The following HTR1F variants were observed in gnomAD, a reference collection of about 807,000 sequenced individuals.
HTR1F encodes the protein 5-hydroxytryptamine receptor 1F.
In HTR1F, 17 loss-of-function variants were observed where a neutral mutation model predicts 24.0. The ratio of observed to expected loss-of-function variants is 0.71; its 90% CI spans 0.48 to 1.06. HTR1F has a LOEUF of 1.06. Ranked by LOEUF, HTR1F falls within the 50% of genes least tolerant of loss-of-function variation. The pLI, the probability that HTR1F is intolerant of heterozygous loss-of-function variation, is 0.00. For synonymous variants in HTR1F, 186 were observed against 156.8 expected (o/e 1.19, Z -1.39); for missense variants, 391 against 427.8 (o/e 0.91, Z 0.76).
At chr3:87,924,758 A>G (rs1259339244) in intron 2 of HTR1F, among the ~76,000 whole-genome samples, 1 of 152,086 alleles carries the variant, frequency 6.6e-6, no homozygotes, top group Non-Finnish European at 1.5e-5. Flanking sequence ...GGGTTCCTTC[A>G]TACGTGATTT....
At chr3:87,929,346 C>T (rs1038478678) in intron 2 of HTR1F, among the ~76,000 whole-genome samples, 1 of 152,164 alleles carries the variant, frequency 6.6e-6, no homozygotes, top group Non-Finnish European at 1.5e-5. Flanking sequence ...TGTATACAAG[C>T]ACCATACAAC....
intron 2 of HTR1F, among the ~76,000 whole-genome samples, chr3:87,842,450 C>T (rs1413320871): frequency 3.9e-5 from 6 of 151,956 alleles, no homozygotes; most frequent in African/African-American, 1.5e-4. Flanking sequence ...GTGTGAGCCA[C>T]CGCACCCGGC....
chr3:87,904,484 T>G (rs1703613720), intron 2 of HTR1F, among the ~76,000 whole-genome samples: 1 of 152,026 alleles, frequency 6.6e-6, no homozygotes, highest in African/African-American at 2.4e-5. Context: ...GAAGTGGCCA[T>G]CAGTAATAAA....
intron 2 of HTR1F, among the ~76,000 whole-genome samples, chr3:87,868,188 A>C (rs1382744580): frequency 6.6e-6 from 1 of 152,062 alleles, no homozygotes; most frequent in African/African-American, 2.4e-5. Context: ...TTTAGCTTGG[A>C]GATTTCTGAC....
intron 2 of HTR1F, among the ~76,000 whole-genome samples, chr3:87,903,363 C>T (rs574138638): frequency 3.8e-4 from 58 of 151,592 alleles, no homozygotes; most frequent in African/African-American, 1.2e-3. Context: ...AGAAAATTTT[C>T]GCAACCTACT....
At chr3:87,912,382 C>A (rs1283723171) in intron 2 of HTR1F, among the ~76,000 whole-genome samples, 3 of 151,862 alleles carry the variant, frequency 2.0e-5, no homozygotes, top group Admixed American at 2.0e-4. Flanking sequence ...AAGATTTCTA[C>A]AAGTAGAACT....
chr3:87,971,650 A>C (rs755592647), intron 2 of HTR1F, among the ~76,000 whole-genome samples: 2 of 152,232 alleles, frequency 1.3e-5, no homozygotes, highest in Non-Finnish European at 2.9e-5. Flanking sequence ...TTCCTTAGAC[A>C]CACATTCCTT....
At chr3:87,842,530 T>C (rs555487515) in intron 2 of HTR1F, among the ~76,000 whole-genome samples, 1 of 152,002 alleles carries the variant, frequency 6.6e-6, no homozygotes, top group South Asian at 2.1e-4. Context: ...CGAGCTATAT[T>C]AGATTTTCAA....
At chr3:87,940,308 A>T (rs750934902) in intron 2 of HTR1F, among the ~76,000 whole-genome samples, 10 of 152,072 alleles carry the variant, frequency 6.6e-5, no homozygotes, top group Non-Finnish European at 1.5e-4. Flanking sequence ...ACACCCCTTT[A>T]TTCCAAAATC....
chr3:87,922,821 G>A (rs370143590), intron 2 of HTR1F, among the ~76,000 whole-genome samples: 25 of 148,724 alleles, frequency 1.7e-4, no homozygotes, highest in Admixed American at 1.5e-3. Flanking sequence ...CTGTCCATTG[G>A]CTGTAAATCT....
At chr3:87,983,401 T>G (rs1233639937) in intron 2 of HTR1F, among the ~76,000 whole-genome samples, 2 of 152,046 alleles carry the variant, frequency 1.3e-5, no homozygotes, top group African/African-American at 2.4e-5. Flanking sequence ...TACAGAAGAG[T>G]TATGGAGCAA....
At chr3:87,942,399 C>A (rs1704590603) in intron 2 of HTR1F, among the ~76,000 whole-genome samples, 1 of 152,076 alleles carries the variant, frequency 6.6e-6, no homozygotes, top group Admixed American at 6.6e-5. Flanking sequence ...CAGTTAACCT[C>A]CTGGCCCTCA....
chr3:87,973,655 CT>C (rs1220578357), intron 2 of HTR1F, among the ~76,000 whole-genome samples: 1 of 152,168 alleles, frequency 6.6e-6, no homozygotes, highest in Non-Finnish European at 1.5e-5. Flanking sequence ...TAAATACTCA[CT>C]GCCGCCTGTC....
In HTR1F at chr3:87,933,905, T is replaced by A. The variant is rs555479354; in HGVS notation, c.-42-56803T>A. ...CTCTGCCAAGATACTTTCCAGCCTA[T>A]AATGAGAAGATAAGACTCCCTGGGA... is the stretch of plus-strand genomic sequence containing the variant. On this transcript the variant is annotated intron_variant, in intron 2 of 2. Transcript: ENST00000319595. 9.2e-5 allele frequency among the ~76,000 whole-genome samples: 14 copies of A among 152,330 alleles called. No homozygotes were observed. In the South Asian group the frequency reaches 2.9e-3, roughly 32 times the overall value.
At chr3:87,836,946 A>G (rs1321950571) in intron 2 of HTR1F, among the ~76,000 whole-genome samples, 2 of 151,956 alleles carry the variant, frequency 1.3e-5, no homozygotes, top group African/African-American at 2.4e-5. Flanking sequence ...ATAAAATAAT[A>G]CTTTGTAGAT....
At chr3:87,917,951 C>A (rs968240254) in intron 2 of HTR1F, among the ~76,000 whole-genome samples, 2 of 151,938 alleles carry the variant, frequency 1.3e-5, no homozygotes, top group Non-Finnish European at 2.9e-5. Context: ...CCCTGATGAA[C>A]GTAGATGCTA....
intron 2 of HTR1F, among the ~76,000 whole-genome samples, chr3:87,881,005 T>A (rs1221129913): frequency 2.6e-5 from 4 of 152,110 alleles, no homozygotes; most frequent in Non-Finnish European, 4.4e-5. Flanking sequence ...GTTCCCAGTG[T>A]GAGCGACACA....
chr3:87,937,991 G>A (rs1704469608), intron 2 of HTR1F, among the ~76,000 whole-genome samples: 1 of 151,540 alleles, frequency 6.6e-6, no homozygotes, highest in South Asian at 2.1e-4. Context: ...AAGAGAGGAA[G>A]TCAAACTATC....
chr3:87,815,018 C>G (rs991776612), intron 1 of HTR1F, among the ~76,000 whole-genome samples: 11 of 152,128 alleles, frequency 7.2e-5, no homozygotes, highest in African/African-American at 2.6e-4. Context: ...CTTCAGGACC[C>G]AATTTTGTCA....
Sources: gnomAD v4.1 joint callset for allele counts (sites outside exome capture counted in the v4.1 genomes callset) on GRCh38, gnomAD v4.1.1 for gene constraint, MANE v1.5 for transcripts, NCBI Gene and HGNC (gene_info 2026-07-23, HGNC 2026-07-21) for gene names.